DROSHA: variants seen among roughly 807,000 people sequenced by gnomAD.
The protein encoded by DROSHA is ribonuclease 3.
In DROSHA, 56 loss-of-function variants were observed where a neutral mutation model predicts 181.9. The observed-to-expected ratio is 0.31, with a 90% CI of 0.25 to 0.38. The LOEUF is 0.38. DROSHA is among the 10% of genes least tolerant of loss of function. The probability of loss-of-function intolerance (pLI) is 1.00; values close to 1 mark genes in which losing one functional copy is unlikely to be tolerated. For missense variants in DROSHA, 1,218 were observed against 1,743.5 expected (o/e 0.70, Z 5.37); for synonymous variants, 524 against 591.2 (o/e 0.89, Z 1.65).
Position 31,504,618 on chromosome 5 carries a change from G to A in DROSHA, c.1605C>T (p.Leu535=), listed in dbSNP as rs1737687128. 1.2e-6 allele frequency: 2 copies of A among 1,613,968 alleles called. No individual in the cohort carries two copies. The highest frequency in any genetic ancestry group is 2.2e-5 in the East Asian group (1 of 44,878). ...GTCTTGCCTTTGCGCTGCATTTGCA[G>A]AGTGGTCCATCATTCATCTGTCAGA... is the stretch of plus-strand genomic sequence containing the variant. ...NDPGQMNDGP[L]CKCSAKARRT... The change falls in exon 11 of 36, where the codon CTC becomes CTT. Residue 535 remains leucine, a synonymous_variant. Coordinates refer to ENST00000344624, the MANE Select transcript of DROSHA (RefSeq NM_001382508.1).
At chr5:31,405,791 T>TC (rs1554017161) in intron 34 of DROSHA, 68 bp from the exon 35 acceptor site, 65 of 1,121,930 alleles carry the variant, frequency 5.8e-5, no homozygotes, top group African/African-American at 4.1e-4. Flanking sequence ...TTTTTTTTTT[T>TC]CAAAAAATGC....
intron 27 of DROSHA, 89 bp from the exon 28 acceptor site, chr5:31,424,560 G>A: frequency 1.4e-6 from 2 of 1,441,458 alleles, no homozygotes; most frequent in South Asian, 1.3e-5. Flanking sequence ...TTGAAATACG[G>A]AACTATTTCA....
At chr5:31,477,201 A>G (rs1750477939) in intron 16 of DROSHA, among the ~76,000 whole-genome samples, 1 of 152,130 alleles carries the variant, frequency 6.6e-6, no homozygotes, top group Non-Finnish European at 1.5e-5. Flanking sequence ...TAGAGACCCA[A>G]TTCTCTCAGT....
chr5:31,530,124 T>TTTTTTGGTG (rs1741097315), intron 3 of DROSHA, among the ~76,000 whole-genome samples: 1 of 151,966 alleles, frequency 6.6e-6, no homozygotes, highest in Non-Finnish European at 1.5e-5. Flanking sequence ...CCAAATAATA[T>TTTTTTGGTG]CTGATTTTTT....
intron 5 of DROSHA, among the ~76,000 whole-genome samples, chr5:31,524,412 T>C (rs1740283031): frequency 6.6e-6 from 1 of 152,086 alleles, no homozygotes; most frequent in African/African-American, 2.4e-5. Context: ...AGTGACTTGG[T>C]CTGGGGAGCT....
In DROSHA at chr5:31,496,590, G is replaced by A. The variant is rs34876544; in HGVS notation, c.1669-1218C>T. ...TTTACACCAGCTACTTTCAGCCCTT[G>A]ATGGGGACGTTCATGCTGAGGTGTG... On this transcript the variant is annotated intron_variant, in intron 11 of 35. Coordinates refer to ENST00000344624, the MANE Select transcript of DROSHA (RefSeq NM_001382508.1). 2.4e-3 allele frequency among the ~76,000 whole-genome samples: 367 copies of A among 152,282 alleles called. 7 individuals carry two copies. The highest frequency in any genetic ancestry group is 0.018 in the Admixed American group (271 of 15,296).
At chr5:31,511,858 T>C (rs552956355) in intron 8 of DROSHA, among the ~76,000 whole-genome samples, 33 of 152,086 alleles carry the variant, frequency 2.2e-4, no homozygotes, top group African/African-American at 8.0e-4. Flanking sequence ...TGATAACCTA[T>C]CTTCTCCTAT....
At chr5:31,492,925 C>A (rs992683265) in intron 13 of DROSHA, among the ~76,000 whole-genome samples, 6 of 152,240 alleles carry the variant, frequency 3.9e-5, no homozygotes, top group Non-Finnish European at 8.8e-5. Flanking sequence ...CATTACTCCA[C>A]AGTTTATCCT....
chr5:31,456,695 C>T (rs1302565939), intron 20 of DROSHA, among the ~76,000 whole-genome samples: 1 of 152,152 alleles, frequency 6.6e-6, no homozygotes, highest in Non-Finnish European at 1.5e-5. Context: ...GAAAGCCAAA[C>T]ATATCAATAA....
intron 25 of DROSHA, among the ~76,000 whole-genome samples, chr5:31,432,766 T>C (rs996989884): frequency 1.3e-5 from 2 of 152,238 alleles, no homozygotes; most frequent in Non-Finnish European, 2.9e-5. Context: ...ACTTTACCTC[T>C]GGATTCATTT....
At chr5:31,495,449 G>C in intron 11 of DROSHA, 77 bp from the exon 12 acceptor site, 1 of 1,332,212 alleles carries the variant, frequency 7.5e-7, no homozygotes, top group Non-Finnish European at 1.0e-6. Context: ...GTATTTCCTA[G>C]ATTCACATCT....
At chr5:31,448,700 A>G in intron 22 of DROSHA, 93 bp from the exon 23 acceptor site, 1 of 924,842 alleles carries the variant, frequency 1.1e-6, no homozygotes, top group Non-Finnish European at 1.7e-6. Context: ...TCTCATCTCA[A>G]TGTGATTTTA....
chr5:31,505,269 G>A (rs923712945), intron 10 of DROSHA, among the ~76,000 whole-genome samples: 1 of 152,180 alleles, frequency 6.6e-6, no homozygotes, highest in Non-Finnish European at 1.5e-5. Flanking sequence ...GGGTCCGTGT[G>A]CTCAATGAAT....
At chr5:31,474,365 T>C (rs1251840591) in intron 16 of DROSHA, among the ~76,000 whole-genome samples, 3 of 152,122 alleles carry the variant, frequency 2.0e-5, no homozygotes, top group Non-Finnish European at 4.4e-5. Context: ...TAAAGTCCTT[T>C]TTTTTTCTTT....
At chr5:31,450,218 G>A (rs1183281324) in intron 21 of DROSHA, among the ~76,000 whole-genome samples, 1 of 152,148 alleles carries the variant, frequency 6.6e-6, no homozygotes, top group Non-Finnish European at 1.5e-5. Context: ...ATAATACACT[G>A]AACTTTATAT....
intron 33 of DROSHA, among the ~76,000 whole-genome samples, chr5:31,407,350 ACAC>A (rs1180044280): frequency 1.3e-5 from 2 of 152,228 alleles, no homozygotes; most frequent in Admixed American, 1.3e-4. Context: ...TTGGGGTAAT[ACAC>A]TTCAAGCCAC....
intron 22 of DROSHA, among the ~76,000 whole-genome samples, 155 bp downstream of exon 22, chr5:31,449,125 AC>A (rs988641358): frequency 2.7e-5 from 4 of 150,146 alleles, no homozygotes; most frequent in Non-Finnish European, 5.9e-5. Flanking sequence ...ACAGAGTGAG[AC>A]CCTGTCTCAA....
At chr5:31,491,185 TAAA>T (rs11301107) in intron 13 of DROSHA, among the ~76,000 whole-genome samples, 16 of 140,280 alleles carry the variant, frequency 1.1e-4, no homozygotes, top group Admixed American at 1.4e-4. Context: ...TGTCCAAGGT[TAAA>T]AAAAAAAAAA....
chr5:31,402,366 G>T (rs669624), intron 35 of DROSHA, among the ~76,000 whole-genome samples: 3,426 of 145,158 alleles, frequency 0.024, 116 homozygotes, highest in African/African-American at 0.083. Context: ...GCCAAAAATA[G>T]GCGAGTAATG....
Sources: gnomAD v4.1 joint callset for allele counts (sites outside exome capture counted in the v4.1 genomes callset) on GRCh38, gnomAD v4.1.1 for gene constraint, MANE v1.5 for transcripts, NCBI Gene and HGNC (gene_info 2026-07-23, HGNC 2026-07-21) for gene names.